The following MAP2 variants were observed in gnomAD, a reference collection of about 807,000 sequenced individuals.
MAP2 encodes the protein microtubule associated protein 2, also known as microtubule-associated protein 2.
Under a neutral mutation model 137.6 loss-of-function variants are expected in MAP2, and 14 were observed. That is an observed-to-expected ratio of 0.10 (90% CI 0.07 to 0.16). The LOEUF is 0.16. MAP2 is among the 10% of genes least tolerant of loss of function. The probability of loss-of-function intolerance (pLI) is 1.00; values close to 1 mark genes in which losing one functional copy is unlikely to be tolerated. For synonymous variants in MAP2, 786 were observed against 782.3 expected, an observed-to-expected ratio of 1.00 and a Z score of -0.08; for missense variants, 2,088 against 2,191.5, an observed-to-expected ratio of 0.95 and a Z score of 0.94.
chr2:209,532,962 A>AG (rs2065357067), intron 2 of MAP2, among the ~76,000 whole-genome samples: 1 of 152,110 alleles, frequency 6.6e-6, no homozygotes, highest in Non-Finnish European at 1.5e-5. Flanking sequence ...CTCCCCTGAC[A>AG]GAAGCATTCT....
At chr2:209,581,027 A>G (rs2076297023) in intron 3 of MAP2, among the ~76,000 whole-genome samples, 1 of 152,182 alleles carries the variant, frequency 6.6e-6, no homozygotes, top group Admixed American at 6.5e-5. Context: ...GAAGCATTTT[A>G]CACAATAAAT....
At chr2:209,605,499 G>A (rs921728586) in intron 3 of MAP2, among the ~76,000 whole-genome samples, 4 of 152,110 alleles carry the variant, frequency 2.6e-5, no homozygotes, top group South Asian at 2.1e-4. Context: ...TATTATAATT[G>A]CAACTATATG....
intron 1 of MAP2, among the ~76,000 whole-genome samples, chr2:209,456,231 C>T (rs1334507874): frequency 6.6e-6 from 1 of 152,146 alleles, no homozygotes; most frequent in East Asian, 1.9e-4. Flanking sequence ...TCCAGTGCAT[C>T]CTTAGGAATT....
chr2:209,536,765 T>C lies in MAP2; in HGVS notation c.-172+29124T>C, dbSNP rs145434994. Among the ~76,000 whole-genome samples the C allele has an allele frequency of 1.1e-3, 166 of 152,324 alleles. 2 individuals carry two copies. The East Asian group carries it at 0.021, about 19-fold the overall frequency. On this transcript the variant is annotated intron_variant, in intron 2 of 15. Transcript: ENST00000682079. ...GTTAATCTAAAGAAATTTTAAAATATGATAGTATTTTTTTTCATAAACCTG... is the reference window on the plus strand; with the variant it reads ...GTTAATCTAAAGAAATTTTAAAATACGATAGTATTTTTTTTCATAAACCTG...
intron 4 of MAP2, among the ~76,000 whole-genome samples, chr2:209,646,481 C>G (rs2094431575): frequency 6.6e-6 from 1 of 152,148 alleles, no homozygotes; most frequent in Non-Finnish European, 1.5e-5. Flanking sequence ...ACATTACAAT[C>G]TTAGGCCTGG....
chr2:209,696,220 T>C lies in MAP2; in HGVS notation c.4050T>C (p.Ala1350=). 1 of 1,613,740 alleles carries C rather than the reference T, an allele frequency of 6.2e-7. No individual in the cohort carries two copies. The highest frequency in any genetic ancestry group is 1.1e-5 in the South Asian group (1 of 91,030). Residue 1350 remains alanine, a synonymous_variant, in exon 8 of 16, where the codon GCT becomes GCC. Transcript: ENST00000682079. ...QAEPKDGSPE[A]PASPEREEVA... is the part of the protein sequence containing the mutation. Reference sequence around the variant, plus strand: ...AACCCAAAGATGGTTCCCCAGAGGCTCCAGCTTCCCCTGAGAGAGAAGAGG... The same window carrying C: ...AACCCAAAGATGGTTCCCCAGAGGCCCCAGCTTCCCCTGAGAGAGAAGAGG...
chr2:209,604,223 G>A (rs2083897348), intron 3 of MAP2, among the ~76,000 whole-genome samples: 1 of 152,122 alleles, frequency 6.6e-6, no homozygotes, highest in Non-Finnish European at 1.5e-5. Context: ...CTTCAATTCA[G>A]TTTTCCAAGT....
chr2:209,571,186 C>T (rs539640607), intron 2 of MAP2, among the ~76,000 whole-genome samples: 1 of 151,910 alleles, frequency 6.6e-6, no homozygotes, highest in East Asian at 1.9e-4. Flanking sequence ...GCATAATATT[C>T]ACTATAGATC....
rs148504515 is a variant in MAP2, at chr2:209,723,458, C to T, written c.5074-2251C>T. ...ACATGATAGAACAGTTCTTCAGTTC[C>T]AGTGTTAGATTTTCTCTTAAATAAA... is the stretch of plus-strand genomic sequence containing the variant. On this transcript the variant is annotated intron_variant, in intron 13 of 15. Coordinates refer to ENST00000682079, the MANE Select transcript of MAP2 (RefSeq NM_001375505.1). 3.9e-5 allele frequency: 25 copies of T among 632,998 alleles called. No homozygotes were observed. In the East Asian group the frequency reaches 6.3e-4, roughly 16 times the overall value. 39.2% of individuals were successfully genotyped at this position (632,998 alleles called of 1,614,324 possible).
intron 2 of MAP2, among the ~76,000 whole-genome samples, chr2:209,514,860 T>C (rs1232061957): frequency 6.6e-6 from 1 of 152,044 alleles, no homozygotes; most frequent in East Asian, 1.9e-4. Flanking sequence ...AATACACACA[T>C]GTGATAGATA....
chr2:209,707,401 A>C (rs2063774980), intron 12 of MAP2, among the ~76,000 whole-genome samples: 3 of 152,136 alleles, frequency 2.0e-5, no homozygotes, highest in Non-Finnish European at 2.9e-5. Context: ...CATAAAGACG[A>C]TTGGAAAAGC....
At chr2:209,529,936 C>T (rs1048610253) in intron 2 of MAP2, among the ~76,000 whole-genome samples, 17 of 116,262 alleles carry the variant, frequency 1.5e-4, no homozygotes, top group East Asian at 9.0e-4. Flanking sequence ...GAAACAAACT[C>T]AATAATTCTA....
chr2:209,657,572 G>A (rs1228759567), intron 5 of MAP2, among the ~76,000 whole-genome samples: 1 of 151,780 alleles, frequency 6.6e-6, no homozygotes, highest in Non-Finnish European at 1.5e-5. Context: ...GGCCATTTGT[G>A]CATCTTCTTT....
intron 3 of MAP2, among the ~76,000 whole-genome samples, chr2:209,587,753 C>T (rs1344866849): frequency 6.6e-6 from 1 of 152,114 alleles, no homozygotes; most frequent in Non-Finnish European, 1.5e-5. Context: ...CTGTGGTGTC[C>T]TCATCCTTAT....
intron 3 of MAP2, among the ~76,000 whole-genome samples, chr2:209,593,634 AATATATATATATATATATAT>A (rs58330460): frequency 3.0e-5 from 1 of 33,644 alleles, no homozygotes; most frequent in East Asian, 1.4e-3. Context: ...AAAAAAAAAA[AATATATATATATATATATAT>A]ATATATATAT....
At chr2:209,685,000 T>C (rs963006346) in intron 7 of MAP2, among the ~76,000 whole-genome samples, 9 of 152,306 alleles carry the variant, frequency 5.9e-5, no homozygotes, top group African/African-American at 9.6e-5. Flanking sequence ...GAGTCAGACA[T>C]TGTGCTTGGC....
chr2:209,539,350 A>C (rs1187020249), intron 2 of MAP2, among the ~76,000 whole-genome samples: 5 of 152,306 alleles, frequency 3.3e-5, no homozygotes, highest in African/African-American at 1.2e-4. Context: ...TTATATATTT[A>C]CCTCTGCTCC....
At chr2:209,705,419 T>C in intron 11 of MAP2, 161 bp from the exon 12 acceptor site, 2 of 491,232 alleles carry the variant, frequency 4.1e-6, no homozygotes, top group Non-Finnish European at 6.6e-6. Flanking sequence ...GCACTCTTTC[T>C]AAGTTATAAA....
At chr2:209,654,288 A>G (rs78327053) in intron 5 of MAP2, among the ~76,000 whole-genome samples, 5,017 of 152,310 alleles carry the variant, frequency 0.033, 267 homozygotes, top group African/African-American at 0.11. Flanking sequence ...TCTTTGCAAA[A>G]ATAGGTTTTC....
Sources: allele counts gnomAD v4.1 joint callset (sites outside exome capture counted in the v4.1 genomes callset), GRCh38; gene constraint gnomAD v4.1.1; transcripts MANE v1.5; gene names NCBI Gene and HGNC (gene_info 2026-07-23, HGNC 2026-07-21).